Variants in OSBPL6 observed in about 807,000 individuals in gnomAD.
The protein encoded by OSBPL6 is oxysterol binding protein like 6.
Under a neutral mutation model 125.8 loss-of-function variants are expected in OSBPL6, and 49 were observed. The observed-to-expected ratio is 0.39, with a 90% confidence interval of 0.31 to 0.49. The LOEUF is 0.49. Among genes scored for constraint, OSBPL6 ranks in the 20% least tolerant of loss-of-function variants. The pLI, the probability that OSBPL6 is intolerant of heterozygous loss-of-function variation, is 0.88. For missense variants in OSBPL6, 986 were observed against 1,135.4 expected (o/e 0.87, Z 1.89); for synonymous variants, 394 against 391.8 (o/e 1.01, Z -0.07).
chr2:178,329,853 G>A (rs1380024648), intron 5 of OSBPL6, among the ~76,000 whole-genome samples: 1 of 152,180 alleles, frequency 6.6e-6, no homozygotes, highest in Non-Finnish European at 1.5e-5. Flanking sequence ...GGCCAGTGGT[G>A]GCTGCCCATT....
chr2:178,391,735 T>C lies in OSBPL6; in HGVS notation c.2446+518T>C, dbSNP rs183739800. 1.3e-4 allele frequency among the ~76,000 whole-genome samples: 20 copies of C among 152,352 alleles called. No homozygotes were observed. In the East Asian group the frequency reaches 2.5e-3, roughly 19 times the overall value. ...GTTCTGATAACACATTAGCTTATGATTGAATATCAAGTATAAATGGAACAA... is the reference window on the plus strand; with the variant it reads ...GTTCTGATAACACATTAGCTTATGACTGAATATCAAGTATAAATGGAACAA... On this transcript the variant is annotated intron_variant, in intron 22 of 24. Coordinates refer to ENST00000190611, the MANE Select transcript of OSBPL6 (RefSeq NM_032523.4).
intron 1 of OSBPL6, among the ~76,000 whole-genome samples, chr2:178,258,376 C>T (rs2091952153): frequency 6.6e-6 from 1 of 151,698 alleles, no homozygotes; most frequent in Non-Finnish European, 1.5e-5. Context: ...GATTTACAGG[C>T]GTGAGCCACT....
rs114190681 is a variant in OSBPL6, at chr2:178,220,391, G to C, written c.-351+25717G>C. On this transcript the variant is annotated intron_variant, in intron 1 of 24. Transcript: ENST00000190611. Reference sequence around the variant, plus strand: ...GGCTCACTGTAACCTCTACCTCCCAGGTTCAAGTGATCCTCCCACCTCAGT... The same window carrying C: ...GGCTCACTGTAACCTCTACCTCCCACGTTCAAGTGATCCTCCCACCTCAGT... Among the ~76,000 whole-genome samples, 619 of 152,224 alleles carry C rather than the reference G, an allele frequency of 4.1e-3. 5 individuals are homozygous for C. Among genetic ancestry groups the C allele is most frequent in the Non-Finnish European group, 6.7e-3 (456 of 67,988 alleles).
chr2:178,372,386 A>G (rs192438701), intron 14 of OSBPL6, among the ~76,000 whole-genome samples, 153 bp downstream of exon 14: 133 of 152,224 alleles, frequency 8.7e-4, no homozygotes, highest in Non-Finnish European at 2.8e-4. Flanking sequence ...CTTTGAAGTA[A>G]AGGTTATATA....
chr2:178,287,149 T>TAA (rs66530877), intron 2 of OSBPL6, among the ~76,000 whole-genome samples: 57 of 125,478 alleles, frequency 4.5e-4, no homozygotes, highest in African/African-American at 1.4e-3. Flanking sequence ...CTTCTTTTTT[T>TAA]AAAAAAAAAA....
At chr2:178,362,567 A>T (rs1201831703) in intron 13 of OSBPL6, among the ~76,000 whole-genome samples, 2 of 152,082 alleles carry the variant, frequency 1.3e-5, no homozygotes, top group Admixed American at 1.3e-4. Context: ...CTCGGTGTCT[A>T]TATAAAATAT....
chr2:178,251,630 A>G (rs1283002819), intron 1 of OSBPL6, among the ~76,000 whole-genome samples: 1 of 152,146 alleles, frequency 6.6e-6, no homozygotes, highest in Non-Finnish European at 1.5e-5. Context: ...TTTAAGGCTC[A>G]CAGAAGTTTT....
chr2:178,280,135 T>G, intron 1 of OSBPL6, among the ~76,000 whole-genome samples: 1 of 151,916 alleles, frequency 6.6e-6, no homozygotes, highest in East Asian at 1.9e-4. Context: ...GAGGTGGAGG[T>G]TGCAGTGAGC....
intron 11 of OSBPL6, among the ~76,000 whole-genome samples, chr2:178,342,124 G>T (rs1238822601): frequency 6.6e-6 from 1 of 152,116 alleles, no homozygotes; most frequent in East Asian, 1.9e-4. Context: ...TTTGTTTTGA[G>T]TCAATGATCA....
At position 178,349,523 on chromosome 2, in the gene OSBPL6, A is replaced by G. The variant is rs1181339210; in HGVS notation, c.1153+134A>G. ...TTGGATATAGTGGTTGAAGTTCTAT[A>G]TACAAAAATGCAACAGGACATGATG... On this transcript the variant is annotated intron_variant, in intron 12 of 24. Transcript: ENST00000190611. 6.6e-6 allele frequency: 7 copies of G among 1,057,558 alleles called. No homozygotes were observed. The East Asian group carries it at 1.0e-4, about 16-fold the overall frequency. 65.5% of individuals were successfully genotyped at this position (1,057,558 alleles called of 1,614,324 possible).
intron 23 of OSBPL6, among the ~76,000 whole-genome samples, chr2:178,393,241 TAAGTTACAGGGG>T (rs936764587): frequency 7.9e-5 from 12 of 152,356 alleles, no homozygotes; most frequent in African/African-American, 2.4e-4. Context: ...AATAATAGGA[TAAGTTACAGGGG>T]AACTCAGAAA....
intron 4 of OSBPL6, 128 bp from the exon 5 acceptor site, chr2:178,328,128 A>C: frequency 1.6e-6 from 2 of 1,232,246 alleles, no homozygotes; most frequent in Non-Finnish European, 2.3e-6. Context: ...TTTGCTCCGG[A>C]ATGTTGTTCA....
chr2:178,368,022 T>C (rs1369354237), intron 13 of OSBPL6, among the ~76,000 whole-genome samples: 1 of 152,218 alleles, frequency 6.6e-6, no homozygotes, highest in Non-Finnish European at 1.5e-5. Flanking sequence ...CTTGGGTATA[T>C]GCCCTACTTT....
At chr2:178,296,990 T>C (rs1017189228) in intron 2 of OSBPL6, among the ~76,000 whole-genome samples, 1 of 152,222 alleles carries the variant, frequency 6.6e-6, no homozygotes, top group Non-Finnish European at 1.5e-5. Flanking sequence ...CCATGAGATG[T>C]TGTAATTAGT....
intron 3 of OSBPL6, among the ~76,000 whole-genome samples, chr2:178,319,650 T>C (rs996229178): frequency 1.3e-5 from 2 of 152,182 alleles, no homozygotes; most frequent in African/African-American, 4.8e-5. Flanking sequence ...ATGTAAAGCA[T>C]AGAGATAGGA....
At chr2:178,269,629 C>T (rs946253446) in intron 1 of OSBPL6, among the ~76,000 whole-genome samples, 3 of 152,096 alleles carry the variant, frequency 2.0e-5, no homozygotes, top group African/African-American at 7.2e-5. Flanking sequence ...TGAATTTTTC[C>T]CAGTGTTAGC....
Position 178,384,036 on chromosome 2 carries a change from C to G in OSBPL6, c.1876-3C>G. On this transcript the variant is annotated splice_region_variant and splice_polypyrimidine_tract_variant and intron_variant, in intron 17 of 24. Coordinates refer to ENST00000190611, the MANE Select transcript of OSBPL6 (RefSeq NM_032523.4). Reference sequence around the variant, plus strand: ...TATTCCCTTTTCTTCAATGTTTTAACAGGTTCTCGTTGCCGCATTTGCAGT... The same window carrying G: ...TATTCCCTTTTCTTCAATGTTTTAAGAGGTTCTCGTTGCCGCATTTGCAGT... The G allele has an allele frequency of 6.2e-7, 1 of 1,613,476 alleles. No homozygotes were observed. The highest frequency in any genetic ancestry group is 2.2e-5 in the East Asian group (1 of 44,864).
intron 18 of OSBPL6, among the ~76,000 whole-genome samples, chr2:178,384,407 C>A (rs1206287292): frequency 6.6e-6 from 1 of 152,170 alleles, no homozygotes; most frequent in Non-Finnish European, 1.5e-5. Context: ...GTGTTCTGGA[C>A]ACAGGTTGGG....
Position 178,210,821 on chromosome 2 carries a change from A to AC in OSBPL6, c.-351+16147_-351+16148insC, listed in dbSNP as rs1553519671. 1.5e-3 allele frequency among the ~76,000 whole-genome samples: 181 copies of AC among 122,900 alleles called. 1 individual carries two copies. Among genetic ancestry groups the AC allele is most frequent in the South Asian group, 0.014 (50 of 3,452 alleles). 80.6% of individuals were successfully genotyped at this position (122,900 alleles called of 152,430 possible). On this transcript the variant is annotated intron_variant, in intron 1 of 24. Coordinates refer to ENST00000190611, the MANE Select transcript of OSBPL6 (RefSeq NM_032523.4). ...GTGTGAGACAATGTTTCAAAAAAAA[A>AC]AAACACACACACACACACACACACA...
Sources: allele counts gnomAD v4.1 joint callset (sites outside exome capture counted in the v4.1 genomes callset), GRCh38; gene constraint gnomAD v4.1.1; transcripts MANE v1.5; gene names NCBI Gene and HGNC (gene_info 2026-07-23, HGNC 2026-07-21).